Variants in ANKS6 observed in about 807,000 individuals in gnomAD.
ANKS6 encodes ankyrin repeat and SAM domain-containing protein 6.
Under a neutral mutation model 77.9 loss-of-function variants are expected in ANKS6, and 47 were observed. The observed-to-expected ratio is 0.60, with a 90% CI of 0.48 to 0.77. The LOEUF (loss-of-function observed/expected upper bound fraction) is 0.77, where lower values mean the gene tolerates loss of function less well. Among genes scored for constraint, ANKS6 ranks in the 30% least tolerant of loss-of-function variants. The probability of loss-of-function intolerance (pLI) is 0.00; values close to 1 mark genes in which losing one functional copy is unlikely to be tolerated. For missense variants in ANKS6, 1,150 were observed against 1,159.1 expected, an observed-to-expected ratio of 0.99 and a Z score of 0.11; for synonymous variants, 488 against 501.7, an observed-to-expected ratio of 0.97 and a Z score of 0.37.
At chr9:98,738,241 T>C (rs564573910) in intron 14 of ANKS6, among the ~76,000 whole-genome samples, 2 of 152,182 alleles carry the variant, frequency 1.3e-5, no homozygotes, top group African/African-American at 4.8e-5. Flanking sequence ...CTGAGACTTA[T>C]TTAAACTAAA....
chr9:98,781,646 C>T (rs2118110958), intron 5 of ANKS6, among the ~76,000 whole-genome samples: 1 of 152,248 alleles, frequency 6.6e-6, no homozygotes, highest in African/African-American at 2.4e-5. Flanking sequence ...GTGCAGGGGC[C>T]TGCAGCAGGG....
At position 98,736,978 on chromosome 9, in the gene ANKS6, A is replaced by C. The variant is rs185539597; in HGVS notation, c.2512-355T>G. Among the ~76,000 whole-genome samples the C allele has an allele frequency of 5.5e-3, 835 of 152,266 alleles. 7 individuals carry two copies. Among genetic ancestry groups the C allele is most frequent in the Middle Eastern group, 0.02 (6 of 294 alleles). ...GCCTCTGTGCATCTTTCCAGTCCTT[A>C]GATTTCCAGATAATTCAATGGGAGC... On this transcript the variant is annotated intron_variant, in intron 14 of 14. Transcript: ENST00000353234.
In ANKS6 at chr9:98,733,534, C is replaced by G. The variant is rs1239763254; in HGVS notation, c.*2985G>C. On this transcript the variant is annotated 3_prime_UTR_variant, in exon 15 of 15. Transcript: ENST00000353234. ...CTGCTGGGGAGAAAAAGGTGACCAC[C>G]AAGGGCCCTGACCCACTTCCAGGGC... is the stretch of plus-strand genomic sequence containing the variant. 3.0e-6 allele frequency: 3 copies of G among 985,388 alleles called. No homozygotes were observed. The highest frequency in any genetic ancestry group is 3.6e-6 in the Non-Finnish European group (3 of 829,990). The allele number at this position is 985,388 out of a possible 1,614,324, so 61.0% of individuals were successfully genotyped here. A position where few individuals can be genotyped will look rare whatever the true frequency, so the allele number is the denominator to read the frequency against.
At chr9:98,773,689 T>C (rs771784401) in intron 9 of ANKS6, among the ~76,000 whole-genome samples, 188 bp downstream of exon 9, 16 of 152,172 alleles carry the variant, frequency 1.1e-4, no homozygotes, top group Non-Finnish European at 2.4e-4. Flanking sequence ...TACCTCAACA[T>C]TTTAATCTAT....
intron 11 of ANKS6, among the ~76,000 whole-genome samples, chr9:98,760,388 C>A (rs930880564): frequency 8.0e-5 from 12 of 149,310 alleles, no homozygotes; most frequent in Non-Finnish European, 1.8e-4. Flanking sequence ...AAGGCTCAAC[C>A]CTCTAATCCT....
intron 14 of ANKS6, among the ~76,000 whole-genome samples, chr9:98,738,883 T>C (rs980108150): frequency 1.3e-5 from 2 of 152,086 alleles, no homozygotes; most frequent in African/African-American, 2.4e-5. Flanking sequence ...AAGAAAACTG[T>C]GATATATATA....
chr9:98,795,087 C>CCA (rs1205933806), intron 1 of ANKS6, among the ~76,000 whole-genome samples: 1 of 152,112 alleles, frequency 6.6e-6, no homozygotes, highest in Admixed American at 6.5e-5. Context: ...TCTCTAGATG[C>CCA]CATCCTTGCT....
chr9:98,771,705 C>A (rs371482966), intron 9 of ANKS6, among the ~76,000 whole-genome samples: 31 of 152,104 alleles, frequency 2.0e-4, no homozygotes, highest in South Asian at 6.2e-4. Flanking sequence ...GGCTCCCCCC[C>A]ATCCTTACCC....
intron 6 of ANKS6, 115 bp from the exon 7 acceptor site, chr9:98,778,539 C>T (rs1487546498): frequency 1.4e-5 from 13 of 925,356 alleles, no homozygotes; most frequent in Non-Finnish European, 1.8e-5. Flanking sequence ...CCTCCCCTCT[C>T]CTGGGGCCCA....
intron 11 of ANKS6, among the ~76,000 whole-genome samples, chr9:98,763,239 C>T (rs1320865759): frequency 6.6e-6 from 1 of 151,860 alleles, no homozygotes; most frequent in Admixed American, 6.6e-5. Flanking sequence ...AAAGAGATCA[C>T]ATTCTAGGGC....
In ANKS6 at chr9:98,736,300, C is replaced by T. The variant is rs1831497075; in HGVS notation, c.*219G>A. ...AACCAACCTGCCAAGCAGAAGCACC[C>T]CCACTGGACTGTTACATGGGAATCT... On this transcript the variant is annotated 3_prime_UTR_variant, in exon 15 of 15. Transcript: ENST00000353234. 1.5e-6 allele frequency: 2 copies of T among 1,364,986 alleles called. No individual in the cohort carries two copies. Among genetic ancestry groups the T allele is most frequent in the Admixed American group, 6.7e-5 (2 of 30,064 alleles). The allele number at this position is 1,364,986 out of a possible 1,614,324, so 84.6% of individuals were successfully genotyped here.
chr9:98,743,605 C>A (rs1261865961), intron 14 of ANKS6, among the ~76,000 whole-genome samples: 1 of 152,204 alleles, frequency 6.6e-6, no homozygotes, highest in Non-Finnish European at 1.5e-5. Flanking sequence ...CTCACAGCAC[C>A]ACCTGCCTCT....
At chr9:98,737,225 A>C (rs1831548040) in intron 14 of ANKS6, among the ~76,000 whole-genome samples, 1 of 152,166 alleles carries the variant, frequency 6.6e-6, no homozygotes, top group African/African-American at 2.4e-5. Context: ...AGGCAGCAAT[A>C]CTCAGAGGTT....
chr9:98,773,935 G>T lies in ANKS6; in HGVS notation c.1763C>A (p.Thr588Asn). The T allele has an allele frequency of 6.2e-7, 1 of 1,600,648 alleles. No homozygotes were observed. ...RHNGKADPMK[T>N]ALPQRASRGH... ...CCTGCTGGCTCTCTGGGGCAGCGCA[G>T]TCTTCATGGGGTCTGCCTTCCCGTT... The change falls in exon 9 of 15, where the codon ACT becomes AAT. Residue 588 changes from threonine to asparagine, a missense_variant. Physicochemically the swap from Thr to Asn is moderately conservative, Grantham distance 65. Coordinates refer to ENST00000353234, the MANE Select transcript of ANKS6 (RefSeq NM_173551.5).
Position 98,796,442 on chromosome 9 carries a change from C to G in ANKS6, c.50G>C (p.Cys17Ser). 1.0e-6 allele frequency: 1 copy of G among 994,938 alleles called. No homozygotes were observed. Among genetic ancestry groups the G allele is most frequent in the Non-Finnish European group, 1.2e-6 (1 of 838,166 alleles). The allele number at this position is 994,938 out of a possible 1,614,324, so 61.6% of individuals were successfully genotyped here. A position where few individuals can be genotyped will look rare whatever the true frequency, so the allele number is the denominator to read the frequency against. ...CGCCGTCTCCGTGTCGCCCTGGTCA[C>G]ACGCGCGCAGCAGCAGCTGGAAGGC... ...PPAFQLLLRA[C>S]DQGDTETARR... The change falls in exon 1 of 15, where the codon TGT (cysteine) becomes TCT (serine). Residue 17 changes from cysteine to serine, a missense_variant. Physicochemically the swap from Cys to Ser is moderately radical, Grantham distance 112. Coordinates refer to ENST00000353234, the MANE Select transcript of ANKS6 (RefSeq NM_173551.5).
In ANKS6 at chr9:98,761,819, T is replaced by C. The variant is rs140248838; in HGVS notation, c.2143-5216A>G. 1.6e-3 allele frequency among the ~76,000 whole-genome samples: 238 copies of C among 152,314 alleles called. 1 individual carries two copies. Among genetic ancestry groups the C allele is most frequent in the African/African-American group, 5.4e-3 (226 of 41,576 alleles). On this transcript the variant is annotated intron_variant, in intron 11 of 14. Coordinates refer to ENST00000353234, the MANE Select transcript of ANKS6 (RefSeq NM_173551.5). ...TTGCTAATACCACACTGGAGCTTTA[T>C]GGTAAGTCTTGAAATTAGGCAGTGT...
intron 2 of ANKS6, among the ~76,000 whole-genome samples, chr9:98,789,035 CT>C (rs111230371): frequency 0.022 from 3,072 of 137,172 alleles, 84 homozygotes; most frequent in African/African-American, 0.072. Flanking sequence ...TGGTGTATTT[CT>C]TTTTTTTTTT....
At position 98,758,594 on chromosome 9, in the gene ANKS6, T is replaced by A. The variant is rs542280409; in HGVS notation, c.2143-1991A>T. Among the ~76,000 whole-genome samples the A allele has an allele frequency of 2.6e-5, 4 of 152,302 alleles. No individual in the cohort carries two copies. The East Asian group carries it at 7.7e-4, about 29-fold the overall frequency. ...ATACACTAACCGATGTATACACACA[T>A]AGCCATATCTACTTTTATATCTACT... On this transcript the variant is annotated intron_variant, in intron 11 of 14. Transcript: ENST00000353234.
At chr9:98,785,636 C>T (rs1299109630) in intron 2 of ANKS6, among the ~76,000 whole-genome samples, 1 of 152,152 alleles carries the variant, frequency 6.6e-6, no homozygotes, top group Non-Finnish European at 1.5e-5. Context: ...AGCAGGCATC[C>T]TCATGGCCAG....
Sources: gnomAD v4.1 joint callset for allele counts (sites outside exome capture counted in the v4.1 genomes callset) on GRCh38, gnomAD v4.1.1 for gene constraint, MANE v1.5 for transcripts, NCBI Gene and HGNC (gene_info 2026-07-23, HGNC 2026-07-21) for gene names.